The following PAM variants were observed in gnomAD, a reference collection of about 807,000 sequenced individuals.
PAM encodes peptidylglycine alpha-amidating monooxygenase.
In PAM, 72 loss-of-function variants were observed where a neutral mutation model predicts 122.1. The ratio of observed to expected loss-of-function variants is 0.59; its 90% CI spans 0.49 to 0.72. The LOEUF is 0.72. Ranked by LOEUF, PAM falls within the 30% of genes least tolerant of loss-of-function variation. The pLI, the probability that PAM is intolerant of heterozygous loss-of-function variation, is 0.00. For missense variants in PAM, 1,106 were observed against 1,183.7 expected (o/e 0.93, Z 0.96); for synonymous variants, 389 against 404.4 (o/e 0.96, Z 0.46).
At chr5:102,760,866 CA>C (rs1289169998) in intron 1 of PAM, among the ~76,000 whole-genome samples, 5 of 152,160 alleles carry the variant, frequency 3.3e-5, no homozygotes, top group African/African-American at 1.2e-4. Context: ...TCTACACTGT[CA>C]ATTTGGAGAC....
rs1018349675 is a variant in PAM, at chr5:102,892,439, T to G, written c.211-8917T>G. Among the ~76,000 whole-genome samples, 16 of 151,972 alleles carry G rather than the reference T, an allele frequency of 1.1e-4. No homozygotes were observed. The South Asian group carries it at 1.9e-3, about 18-fold the overall frequency. ...TCATTTTAAGTTGGTCTTCTGCAAT[T>G]TGCAGCCAAATGCATTCTTAGTGAT... On this transcript the variant is annotated intron_variant, in intron 3 of 25. Transcript: ENST00000438793.
chr5:102,914,266 A>G (rs895267699), intron 5 of PAM, among the ~76,000 whole-genome samples: 1 of 151,978 alleles, frequency 6.6e-6, no homozygotes. Context: ...ATAAAGATGG[A>G]AACAGTAGAA....
In PAM at chr5:102,866,052, C is replaced by T. The variant is rs1785454045; in HGVS notation, c.-144C>T. On this transcript the variant is annotated 5_prime_UTR_variant, in exon 2 of 26. Coordinates refer to ENST00000438793, the MANE Select transcript of PAM (RefSeq NM_001177306.2). ...GCGGCCAGCTCGCTGCTCTCGCTGG[C>T]GGATGGTGTGTGGCCGCCGCAGGAC... is the stretch of plus-strand genomic sequence containing the variant. 1 of 481,914 alleles carries T rather than the reference C, an allele frequency of 2.1e-6. No homozygotes were observed. 29.9% of individuals were successfully genotyped at this position (481,914 alleles called of 1,614,324 possible). A position where few individuals can be genotyped will look rare whatever the true frequency, so the allele number is the denominator to read the frequency against.
In PAM at chr5:102,803,775, G is replaced by A. The variant is rs114767026; in HGVS notation, c.-374+48427G>A. Among the ~76,000 whole-genome samples, 326 of 152,268 alleles carry A rather than the reference G, an allele frequency of 2.1e-3. 1 individual carries two copies. Among genetic ancestry groups the A allele is most frequent in the African/African-American group, 7.5e-3 (311 of 41,542 alleles). ...TATTTATTGAATAAGTATTTATTGAGGGAATGCCAAATGCAAGGCACGGTG... is the reference window on the plus strand; with the variant it reads ...TATTTATTGAATAAGTATTTATTGAAGGAATGCCAAATGCAAGGCACGGTG... On this transcript the variant is annotated intron_variant, in intron 1 of 25. Coordinates refer to ENST00000438793, the MANE Select transcript of PAM (RefSeq NM_001177306.2).
intron 23 of PAM, among the ~76,000 whole-genome samples, chr5:103,020,163 C>A (rs1225403036): frequency 6.6e-6 from 1 of 151,936 alleles, no homozygotes; most frequent in Non-Finnish European, 1.5e-5. Flanking sequence ...GTACATTAAC[C>A]CCAGGCAAGT....
intron 3 of PAM, among the ~76,000 whole-genome samples, chr5:102,894,423 T>C (rs1187292014): frequency 6.6e-6 from 1 of 151,716 alleles, no homozygotes; most frequent in Non-Finnish European, 1.5e-5. Flanking sequence ...TTCCAAGGCA[T>C]GTGGCTACCC....
At chr5:102,865,081 C>G (rs764754254) in intron 1 of PAM, among the ~76,000 whole-genome samples, 1 of 152,154 alleles carries the variant, frequency 6.6e-6, no homozygotes, top group Non-Finnish European at 1.5e-5. Flanking sequence ...TGTTGTAAAA[C>G]TCCAAACTTA....
intron 16 of PAM, among the ~76,000 whole-genome samples, chr5:102,995,248 G>A (rs60907406): frequency 0.015 from 2,299 of 152,098 alleles, 57 homozygotes; most frequent in African/African-American, 0.052. Context: ...AAACTATAAG[G>A]GGTTCTACAA....
intron 1 of PAM, among the ~76,000 whole-genome samples, chr5:102,756,296 G>A (rs1187902626): frequency 6.6e-6 from 1 of 152,150 alleles, no homozygotes; most frequent in Non-Finnish European, 1.5e-5. Context: ...GGGCTAAAAG[G>A]CATGTGTTCC....
Position 102,918,228 on chromosome 5 carries a change from G to A in PAM, c.356+4207G>A, listed in dbSNP as rs536066352. ...ATGCCTTCTTCCCAGGCGTTTGGAG[G>A]AGGAAAACAATTAACCCTATCTAGG... On this transcript the variant is annotated intron_variant, in intron 5 of 25. Transcript: ENST00000438793. Among the ~76,000 whole-genome samples, 8 of 152,266 alleles carry A rather than the reference G, an allele frequency of 5.3e-5. No individual in the cohort carries two copies. In the South Asian group the frequency reaches 1.7e-3, roughly 32 times the overall value.
At chr5:102,827,417 G>A (rs1294029395) in intron 1 of PAM, among the ~76,000 whole-genome samples, 1 of 128,532 alleles carries the variant, frequency 7.8e-6, no homozygotes, top group Non-Finnish European at 1.6e-5. Context: ...ATGATCCTAG[G>A]AAAATAAAAT....
At chr5:102,983,606 T>C (rs1286669167) in intron 15 of PAM, among the ~76,000 whole-genome samples, 1 of 152,082 alleles carries the variant, frequency 6.6e-6, no homozygotes, top group Non-Finnish European at 1.5e-5. Flanking sequence ...GGCAAAGGCA[T>C]AGAAAACCTA....
At chr5:102,810,347 G>A (rs1231667090) in intron 1 of PAM, among the ~76,000 whole-genome samples, 1 of 152,192 alleles carries the variant, frequency 6.6e-6, no homozygotes, top group East Asian at 1.9e-4. Flanking sequence ...GTAGTTTTAG[G>A]CAGTGATTTT....
intron 1 of PAM, among the ~76,000 whole-genome samples, chr5:102,805,557 C>T (rs1046801897): frequency 3.3e-5 from 5 of 152,090 alleles, no homozygotes; most frequent in African/African-American, 1.2e-4. Context: ...TAGGTTTTGC[C>T]CCTGCTCCAG....
chr5:102,851,991 C>A (rs1459725034), intron 1 of PAM, among the ~76,000 whole-genome samples: 1 of 152,054 alleles, frequency 6.6e-6, no homozygotes, highest in Non-Finnish European at 1.5e-5. Flanking sequence ...TTCTACTATG[C>A]CAAAAAAGCA....
chr5:102,895,256 T>C (rs1223717784), intron 3 of PAM, among the ~76,000 whole-genome samples: 1 of 151,858 alleles, frequency 6.6e-6, no homozygotes, highest in Non-Finnish European at 1.5e-5. Context: ...CTCTGAATTA[T>C]TAGCTTTTGT....
intron 1 of PAM, among the ~76,000 whole-genome samples, chr5:102,823,138 T>C (rs1007077580): frequency 2.0e-5 from 3 of 152,188 alleles, no homozygotes; most frequent in African/African-American, 7.2e-5. Flanking sequence ...AGAAAGTGCA[T>C]TGGACTGAGG....
intron 3 of PAM, among the ~76,000 whole-genome samples, chr5:102,893,753 C>G (rs972459855): frequency 2.0e-5 from 3 of 151,656 alleles, no homozygotes; most frequent in Non-Finnish European, 4.4e-5. Flanking sequence ...GAAATAGTTT[C>G]CAGGGTTGGA....
chr5:102,768,568 C>G (rs1302345323), intron 1 of PAM, among the ~76,000 whole-genome samples: 1 of 152,086 alleles, frequency 6.6e-6, no homozygotes. Flanking sequence ...TTAGTTCTCA[C>G]AAATAAGTGA....
Sources: gnomAD v4.1 joint callset for allele counts (sites outside exome capture counted in the v4.1 genomes callset) on GRCh38, gnomAD v4.1.1 for gene constraint, MANE v1.5 for transcripts, NCBI Gene and HGNC (gene_info 2026-07-23, HGNC 2026-07-21) for gene names.